CCDC150: variants seen among roughly 807,000 people sequenced by gnomAD.
CCDC150 encodes coiled-coil domain containing 150.
CCDC150 carries 151 observed loss-of-function variants against 156.5 expected under a neutral mutation model. That is an observed-to-expected ratio of 0.97 (90% CI 0.85 to 1.10). The LOEUF is 1.10. Among genes scored for constraint, CCDC150 ranks in the 50% least tolerant of loss-of-function variants. The pLI is 0.00. For missense variants in CCDC150, 1,312 were observed against 1,268.1 expected (o/e 1.03, Z -0.53); for synonymous variants, 452 against 429.4 (o/e 1.05, Z -0.65).
At position 196,658,785 on chromosome 2, in the gene CCDC150, C is replaced by T; in HGVS notation, c.577-7C>T. 1.3e-6 allele frequency: 2 copies of T among 1,589,128 alleles called. No individual in the cohort carries two copies. Among genetic ancestry groups the T allele is most frequent in the African/African-American group, 2.7e-5 (2 of 74,522 alleles). ...TTATTTAGAATCTTTTCTCCTTCTA[C>T]TTTTAGAAGAATGCAGCCATTATTG... On this transcript the variant is annotated splice_region_variant and splice_polypyrimidine_tract_variant and intron_variant, in intron 4 of 27. Coordinates refer to ENST00000389175, the MANE Select transcript of CCDC150 (RefSeq NM_001080539.2).
intron 13 of CCDC150, 80 bp downstream of exon 13, chr2:196,677,441 G>A: frequency 3.2e-6 from 3 of 923,320 alleles, no homozygotes; most frequent in Admixed American, 4.2e-5. Flanking sequence ...ATCTTAATGA[G>A]GAGATGGCTG....
At chr2:196,644,991 GC>G (rs1307004050) in intron 1 of CCDC150, among the ~76,000 whole-genome samples, 1 of 152,020 alleles carries the variant, frequency 6.6e-6, no homozygotes, top group Non-Finnish European at 1.5e-5. Flanking sequence ...GGGCATGGTG[GC>G]ACATAACTGT....
At chr2:196,685,786 T>C (rs1695091795) in intron 13 of CCDC150, among the ~76,000 whole-genome samples, 1 of 152,040 alleles carries the variant, frequency 6.6e-6, no homozygotes, top group Non-Finnish European at 1.5e-5. Flanking sequence ...TAATTTTTTT[T>C]GTATTTTTAG....
chr2:196,729,648 C>T (rs1698419537), intron 23 of CCDC150, 145 bp from the exon 24 acceptor site: 1 of 690,546 alleles, frequency 1.4e-6, no homozygotes, highest in Non-Finnish European at 2.5e-6. Context: ...CTTTTGGGAT[C>T]AGTGGGCTAG....
intron 1 of CCDC150, among the ~76,000 whole-genome samples, chr2:196,642,249 T>C (rs1241287961): frequency 6.6e-6 from 1 of 152,240 alleles, no homozygotes; most frequent in Non-Finnish European, 1.5e-5. Flanking sequence ...TTTGCTAGAA[T>C]GTCAGCCATT....
intron 8 of CCDC150, among the ~76,000 whole-genome samples, 189 bp downstream of exon 8, chr2:196,670,065 A>C (rs1694110978): frequency 6.6e-6 from 1 of 152,214 alleles, no homozygotes; most frequent in Non-Finnish European, 1.5e-5. Flanking sequence ...GAAGGTTATT[A>C]GAGTTTGAAA....
At chr2:196,728,346 T>C (rs1698330690) in intron 22 of CCDC150, among the ~76,000 whole-genome samples, 1 of 152,174 alleles carries the variant, frequency 6.6e-6, no homozygotes. Flanking sequence ...AAAGTTAGGA[T>C]CTAAAAGAAG....
chr2:196,686,115 T>C, intron 13 of CCDC150: 1 of 201,660 alleles, frequency 5.0e-6, no homozygotes, highest in Non-Finnish European at 1.1e-5. Flanking sequence ...TCTTTTACAC[T>C]CATTCCCACA....
At chr2:196,659,058 C>T (rs1030337343) in intron 5 of CCDC150, among the ~76,000 whole-genome samples, 198 bp downstream of exon 5, 2 of 152,106 alleles carry the variant, frequency 1.3e-5, no homozygotes, top group African/African-American at 4.8e-5. Context: ...TACCTCAATA[C>T]TGGCATAAAA....
chr2:196,714,732 T>G (rs1277338803), intron 17 of CCDC150, among the ~76,000 whole-genome samples: 1 of 152,168 alleles, frequency 6.6e-6, no homozygotes, highest in Non-Finnish European at 1.5e-5. Context: ...GACCCTATTC[T>G]CCTGCCTCAC....
chr2:196,662,802 G>A (rs1476270606), intron 5 of CCDC150, among the ~76,000 whole-genome samples: 2 of 152,162 alleles, frequency 1.3e-5, no homozygotes, highest in Non-Finnish European at 2.9e-5. Flanking sequence ...CAGGCACAGT[G>A]GTGTACACCT....
rs1364314990 is a variant in CCDC150, at chr2:196,695,052, A to G, written c.1516A>G (p.Ile506Val). 2.3e-5 allele frequency: 36 copies of G among 1,568,732 alleles called. No individual in the cohort carries two copies. Among genetic ancestry groups the G allele is most frequent in the Non-Finnish European group, 3.1e-5 (36 of 1,147,650 alleles). Residue 506 changes from isoleucine to valine, a missense_variant, in exon 14 of 28, where the codon ATA becomes GTA. Ile to Val is a conservative substitution (Grantham distance 29). Transcript: ENST00000389175. ...EKELAKNKVD[I>V]NTLTHNLQTL... The stretch of plus-strand genomic sequence containing the variant: ...TACTTTTGTTTCTTTAAAGGTAGAC[A>G]TAAATACATTAACTCATAACCTGCA...
At chr2:196,664,821 G>A (rs1175030469) in intron 5 of CCDC150, among the ~76,000 whole-genome samples, 1 of 151,858 alleles carries the variant, frequency 6.6e-6, no homozygotes, top group African/African-American at 2.4e-5. Flanking sequence ...ACTCTTATGA[G>A]GTGATTCCAA....
intron 15 of CCDC150, among the ~76,000 whole-genome samples, chr2:196,702,554 G>A (rs1227170088): frequency 1.3e-5 from 2 of 151,848 alleles, no homozygotes; most frequent in African/African-American, 4.8e-5. Flanking sequence ...GTTTTTCCAT[G>A]GAGATAGGGT....
intron 14 of CCDC150, among the ~76,000 whole-genome samples, 161 bp downstream of exon 14, chr2:196,695,320 C>T (rs1304719311): frequency 1.3e-5 from 2 of 152,084 alleles, no homozygotes; most frequent in East Asian, 3.8e-4. Flanking sequence ...TTTGAGAAAC[C>T]AAGAATTTAA....
At chr2:196,660,168 A>G (rs987680552) in intron 5 of CCDC150, among the ~76,000 whole-genome samples, 21 of 152,164 alleles carry the variant, frequency 1.4e-4, no homozygotes, top group African/African-American at 4.1e-4. Context: ...ATAGCTGAAC[A>G]ATATTCTATT....
chr2:196,731,203 T>A (rs1347491641), intron 26 of CCDC150, among the ~76,000 whole-genome samples: 1 of 152,118 alleles, frequency 6.6e-6, no homozygotes, highest in East Asian at 1.9e-4. Context: ...CTATTAAATA[T>A]AAGGAAAGAC....
At chr2:196,714,413 G>T (rs1327541252) in intron 17 of CCDC150, among the ~76,000 whole-genome samples, 2 of 152,138 alleles carry the variant, frequency 1.3e-5, no homozygotes, top group African/African-American at 4.8e-5. Context: ...TTGGCTCCGG[G>T]CCAATCCAAG....
At chr2:196,657,311 C>T in intron 4 of CCDC150, 175 bp downstream of exon 4, 3 of 594,150 alleles carry the variant, frequency 5.0e-6, no homozygotes, top group East Asian at 3.0e-5. Context: ...CACTGATAAC[C>T]TAAACCACTG....
Sources: gnomAD v4.1 joint callset for allele counts (sites outside exome capture counted in the v4.1 genomes callset) on GRCh38, gnomAD v4.1.1 for gene constraint, MANE v1.5 for transcripts, NCBI Gene and HGNC (gene_info 2026-07-23, HGNC 2026-07-21) for gene names.